LYST: variants seen among roughly 807,000 people sequenced by gnomAD.
The protein encoded by LYST is lysosomal-trafficking regulator.
Under a neutral mutation model 413.6 loss-of-function variants are expected in LYST, and 192 were observed. The ratio of observed to expected loss-of-function variants is 0.46; its 90% CI spans 0.41 to 0.52. The LOEUF is 0.52. LYST is among the 20% of genes least tolerant of loss of function. The probability of loss-of-function intolerance (pLI) is 0.00; values close to 1 mark genes in which losing one functional copy is unlikely to be tolerated. For missense variants in LYST, 3,815 were observed against 4,499.9 expected, an observed-to-expected ratio of 0.85 and a Z score of 4.35; for synonymous variants, 1,525 against 1,567.3, an observed-to-expected ratio of 0.97 and a Z score of 0.64.
In LYST at chr1:235,674,272, A is replaced by T. The variant is rs966505034; in HGVS notation, c.11038+2819T>A. ...TGCCCTTGTTTTCATCCCCAAGCGG[A>T]TGTATGGTAGTATTGTAGTGGACCA... On this transcript the variant is annotated intron_variant, in intron 50 of 52. Transcript: ENST00000389793. The surrounding 1 kb of genome is among the most constrained non-coding windows in gnomAD (Gnocchi z 4.1). Among the ~76,000 whole-genome samples the T allele has an allele frequency of 1.3e-5, 2 of 152,038 alleles. No individual in the cohort carries two copies. Among genetic ancestry groups the T allele is most frequent in the African/African-American group, 2.4e-5 (1 of 41,392 alleles).
intron 50 of LYST, among the ~76,000 whole-genome samples, chr1:235,666,621 CACACACACACACACAT>C (rs1426804042): frequency 6.6e-5 from 10 of 151,542 alleles, no homozygotes; most frequent in African/African-American, 2.4e-4. Flanking sequence ...CACACACACA[CACACACACACACACAT>C]GCCCAATGTT....
At chr1:235,723,790 T>C (rs1663606597) in intron 39 of LYST, among the ~76,000 whole-genome samples, 1 of 152,224 alleles carries the variant, frequency 6.6e-6, no homozygotes, top group Admixed American at 6.5e-5. Context: ...AGATGGACCC[T>C]GCTACAGCAC....
chr1:235,805,075 G>A (rs571976672), intron 6 of LYST, among the ~76,000 whole-genome samples: 4 of 152,296 alleles, frequency 2.6e-5, no homozygotes, highest in African/African-American at 9.6e-5. Context: ...GAGCCTGTTG[G>A]CTGACTGAAC....
intron 48 of LYST, among the ~76,000 whole-genome samples, chr1:235,679,187 C>T (rs140021928): frequency 3.9e-5 from 6 of 152,314 alleles, no homozygotes; most frequent in Admixed American, 2.6e-4. Context: ...CAGCTTTTAA[C>T]AACAGCAAGA....
At chr1:235,821,964 T>C (rs1020153665) in intron 3 of LYST, among the ~76,000 whole-genome samples, 1 of 152,248 alleles carries the variant, frequency 6.6e-6, no homozygotes, top group Admixed American at 6.5e-5. Flanking sequence ...CAGGGGATTG[T>C]TCTGCACAAA....
chr1:235,720,630 A>G, intron 40 of LYST, 31 bp downstream of exon 40: 1 of 1,608,984 alleles, frequency 6.2e-7, no homozygotes, highest in African/African-American at 1.3e-5. Context: ...TGGATGGATG[A>G]ACCCTAAAGG....
At chr1:235,702,302 C>A (rs550458900) in intron 45 of LYST, among the ~76,000 whole-genome samples, 1 of 152,256 alleles carries the variant, frequency 6.6e-6, no homozygotes, top group South Asian at 2.1e-4. Flanking sequence ...ATGTAAAGTT[C>A]CCCTTAGGTA....
At position 235,774,893 on chromosome 1, in the gene LYST, T is replaced by C. The variant is rs1669072704; in HGVS notation, c.5634+20A>G. 6.5e-7 allele frequency: 1 copy of C among 1,547,274 alleles called. No homozygotes were observed. Among genetic ancestry groups the C allele is most frequent in the Admixed American group, 1.7e-5 (1 of 59,670 alleles). On this transcript the variant is annotated intron_variant, in intron 18 of 52. Transcript: ENST00000389793. ...ATCACTGCATATGAAACTATAAGAA[T>C]AAATTTTATGAAGACATACCTTCAA...
intron 42 of LYST, 138 bp from the exon 43 acceptor site, chr1:235,712,335 T>A: frequency 1.5e-6 from 1 of 652,928 alleles, no homozygotes; most frequent in Non-Finnish European, 2.6e-6. Flanking sequence ...TAAAAGAAGT[T>A]ATTCATGTTC....
chr1:235,852,615 C>T (rs1474057761), intron 1 of LYST, among the ~76,000 whole-genome samples: 5 of 152,264 alleles, frequency 3.3e-5, no homozygotes, highest in East Asian at 3.9e-4. Flanking sequence ...ATATGTAAGA[C>T]GTAACTGCCA....
chr1:235,859,099 A>T (rs1284643269), intron 1 of LYST, among the ~76,000 whole-genome samples: 1 of 152,186 alleles, frequency 6.6e-6, no homozygotes, highest in Non-Finnish European at 1.5e-5. Flanking sequence ...CTTCACAGAG[A>T]AAAAGAGATG....
intron 1 of LYST, among the ~76,000 whole-genome samples, chr1:235,845,648 G>T (rs1314668601): frequency 1.3e-5 from 2 of 151,972 alleles, no homozygotes; most frequent in African/African-American, 4.8e-5. Flanking sequence ...AGTTAGGGGG[G>T]ACACGGTGGG....
chr1:235,738,541 A>C (rs1391959889), intron 31 of LYST: 7 of 1,611,536 alleles, frequency 4.3e-6, no homozygotes, highest in Non-Finnish European at 5.9e-6. Flanking sequence ...CTGGGAGTTC[A>C]CACATTAAGC....
chr1:235,764,485 T>C (rs1010629134), intron 21 of LYST, among the ~76,000 whole-genome samples: 7 of 150,350 alleles, frequency 4.7e-5, no homozygotes, highest in Non-Finnish European at 8.9e-5. Context: ...CATTTCTTTT[T>C]TTTTCTTTTC....
In LYST at chr1:235,738,305, G is replaced by A; in HGVS notation, c.8358+3117C>T. ...TCACGGCTGAGGCACATCGCAAGAG[G>A]GAGAAAGCCATCTTAATTTGGTCCA... On this transcript the variant is annotated intron_variant, in intron 31 of 52. Coordinates refer to ENST00000389793, the MANE Select transcript of LYST (RefSeq NM_000081.4). 3 of 1,611,666 alleles carry A rather than the reference G, an allele frequency of 1.9e-6. 1 individual carries two copies. The Admixed American group carries it at 5.0e-5, about 27-fold the overall frequency.
intron 14 of LYST, among the ~76,000 whole-genome samples, chr1:235,785,532 C>G (rs1447173367): frequency 6.6e-6 from 1 of 152,122 alleles, no homozygotes; most frequent in Non-Finnish European, 1.5e-5. Flanking sequence ...TTTCCATGGT[C>G]TAATCTACTT....
rs1407856618 is a variant in LYST at position 235,804,504 on chromosome 1, C to G, written c.3555G>C (p.Lys1185Asn). The stretch of plus-strand genomic sequence containing the variant: ...CACAACTATATGTTGTTATTCATAC[C>G]TTCTCAGTCATAGCATCATTATGTT... ...DFEHNDAMTEKSHQSAEELSS... is the reference protein window; with the variant it reads ...DFEHNDAMTENSHQSAEELSS... The change falls in exon 7 of 53, where the codon AAG (lysine) becomes AAC (asparagine). Residue 1185 changes from lysine to asparagine, a missense_variant and splice_region_variant. By Grantham distance (94) the Lys-to-Asn change is moderately conservative. Coordinates refer to ENST00000389793, the MANE Select transcript of LYST (RefSeq NM_000081.4). 6.2e-7 allele frequency: 1 copy of G among 1,612,586 alleles called. No homozygotes were observed. Among genetic ancestry groups the G allele is most frequent in the Non-Finnish European group, 8.5e-7 (1 of 1,178,604 alleles).
chr1:235,742,781 T>C (rs1430268137), intron 30 of LYST, among the ~76,000 whole-genome samples: 1 of 152,078 alleles, frequency 6.6e-6, no homozygotes, highest in Non-Finnish European at 1.5e-5. Flanking sequence ...CATTATTGAG[T>C]ATAATAGTCA....
intron 16 of LYST, 30 bp downstream of exon 16, chr1:235,780,835 A>G (rs1669795219): frequency 7.3e-6 from 7 of 962,222 alleles, no homozygotes; most frequent in Non-Finnish European, 1.1e-5. Flanking sequence ...CATTTACTAT[A>G]AAATTAAAAT....
Sources: allele counts gnomAD v4.1 joint callset (sites outside exome capture counted in the v4.1 genomes callset), GRCh38; gene constraint gnomAD v4.1.1; non-coding constraint Gnocchi (gnomAD v3.1); transcripts MANE v1.5; gene names NCBI Gene and HGNC (gene_info 2026-07-23, HGNC 2026-07-21).